The following GPC5 variants were observed in gnomAD, a reference collection of about 807,000 sequenced individuals.
GPC5 encodes glypican-5.
A neutral mutation model predicts 53.9 loss-of-function variants in GPC5; 47 were observed. That is an observed-to-expected ratio of 0.87 (90% CI 0.69 to 1.11). GPC5 has a LOEUF of 1.11. GPC5 is among the 50% of genes most tolerant of loss of function. GPC5 has a pLI of 0.00. For missense variants in GPC5, 748 were observed against 713.1 expected (o/e 1.05, Z -0.56); for synonymous variants, 286 against 263.3 (o/e 1.09, Z -0.84).
intron 7 of GPC5, among the ~76,000 whole-genome samples, chr13:92,277,988 TAAAC>T (rs1179155834): frequency 4.0e-5 from 6 of 151,856 alleles, no homozygotes; most frequent in Non-Finnish European, 8.8e-5. Flanking sequence ...AGATCCTCAA[TAAAC>T]AATAATGAAA....
At chr13:92,048,097 A>G (rs1318339716) in intron 6 of GPC5, among the ~76,000 whole-genome samples, 2 of 152,080 alleles carry the variant, frequency 1.3e-5, no homozygotes, top group African/African-American at 4.8e-5. Flanking sequence ...GATAGATAAC[A>G]TTATACTACA....
At chr13:92,517,294 T>C (rs1177816286) in intron 7 of GPC5, among the ~76,000 whole-genome samples, 1 of 152,166 alleles carries the variant, frequency 6.6e-6, no homozygotes, top group Non-Finnish European at 1.5e-5. Context: ...TCTCTGAATC[T>C]CTGCAGACTT....
intron 7 of GPC5, among the ~76,000 whole-genome samples, chr13:92,644,636 C>T (rs1885706269): frequency 6.6e-6 from 1 of 152,020 alleles, no homozygotes; most frequent in South Asian, 2.1e-4. Context: ...CTCTTCCTAT[C>T]CTTTTATGTC....
At chr13:92,196,377 A>G (rs1388172077) in intron 7 of GPC5, among the ~76,000 whole-genome samples, 7 of 152,284 alleles carry the variant, frequency 4.6e-5, no homozygotes, top group African/African-American at 1.7e-4. Context: ...TCTATGTACA[A>G]AGGCACTTAA....
intron 2 of GPC5, among the ~76,000 whole-genome samples, chr13:91,562,188 TAAAAAA>T (rs10603242): frequency 0.018 from 810 of 45,102 alleles, 14 homozygotes; most frequent in African/African-American, 0.062. Flanking sequence ...GGAGCAACAG[TAAAAAA>T]AAAAAAAAAA....
At chr13:91,438,731 G>T (rs913222505) in intron 1 of GPC5, among the ~76,000 whole-genome samples, 2 of 152,304 alleles carry the variant, frequency 1.3e-5, no homozygotes, top group African/African-American at 4.8e-5. Flanking sequence ...TCTGCGCCTT[G>T]TGTTTGGCAA....
In GPC5 at chr13:92,681,199, TA is replaced by T. The variant is rs540943719; in HGVS notation, c.1562-185075del. Among the ~76,000 whole-genome samples, 121 of 151,942 alleles carry T rather than the reference TA, an allele frequency of 8.0e-4. 1 individual carries two copies. The highest frequency in any genetic ancestry group is 2.6e-3 in the African/African-American group (108 of 41,442). On this transcript the variant is annotated intron_variant, in intron 7 of 7. Transcript: ENST00000377067. Reference sequence around the variant, plus strand: ...CTCCTCTGAATATCAATTGATAAAATAAAAAAAATTCCAAAATTAATTGTAT... The same window carrying T: ...CTCCTCTGAATATCAATTGATAAAATAAAAAAATTCCAAAATTAATTGTAT...
intron 2 of GPC5, among the ~76,000 whole-genome samples, chr13:91,605,895 T>C (rs61966894): frequency 7.9e-5 from 1 of 12,610 alleles, no homozygotes; most frequent in Non-Finnish European, 2.5e-4. Context: ...TCATGTCATC[T>C]GCAAACAGGG....
intron 2 of GPC5, among the ~76,000 whole-genome samples, chr13:91,629,843 A>C (rs114748422): frequency 2.6e-5 from 4 of 152,092 alleles, no homozygotes; most frequent in African/African-American, 4.8e-5. Flanking sequence ...GACTTTAAAC[A>C]CTGTAATATG....
chr13:92,749,776 G>T (rs1157709881), intron 7 of GPC5, among the ~76,000 whole-genome samples: 1 of 152,114 alleles, frequency 6.6e-6, no homozygotes, highest in East Asian at 1.9e-4. Flanking sequence ...ACAGTTCATA[G>T]ACCCGCTAAT....
intron 7 of GPC5, among the ~76,000 whole-genome samples, chr13:92,583,359 T>C (rs1883430981): frequency 6.6e-6 from 1 of 152,226 alleles, no homozygotes; most frequent in African/African-American, 2.4e-5. Context: ...AAAATTATCT[T>C]GCTATTTAAA....
intron 7 of GPC5, among the ~76,000 whole-genome samples, chr13:92,396,607 T>C (rs1875289357): frequency 6.6e-6 from 1 of 152,200 alleles, no homozygotes; most frequent in South Asian, 2.1e-4. Context: ...TCCATGGTAG[T>C]TTGTCGCACC....
At chr13:91,992,463 T>TC (rs1170571902) in intron 6 of GPC5, among the ~76,000 whole-genome samples, 20 of 151,130 alleles carry the variant, frequency 1.3e-4, no homozygotes, top group African/African-American at 4.6e-4. Context: ...TATTTACTTT[T>TC]TTTTTTTTTT....
intron 2 of GPC5, among the ~76,000 whole-genome samples, chr13:91,623,804 G>A (rs9515960): frequency 0.33 from 50,338 of 151,890 alleles, 10,000 homozygotes; most frequent in African/African-American, 0.55. Flanking sequence ...AGAGCAGATA[G>A]CAGATGCTCT....
At chr13:91,946,802 AGTCT>A (rs2039978600) in intron 6 of GPC5, among the ~76,000 whole-genome samples, 1 of 152,340 alleles carries the variant, frequency 6.6e-6, no homozygotes, top group East Asian at 1.9e-4. Flanking sequence ...CAATACCTTG[AGTCT>A]GTTTCATAGC....
chr13:92,542,616 ATTGTC>A (rs1210643801), intron 7 of GPC5, among the ~76,000 whole-genome samples: 1 of 151,868 alleles, frequency 6.6e-6, no homozygotes, highest in East Asian at 1.9e-4. Context: ...GATGTTAATT[ATTGTC>A]TTTTCCCTTC....
intron 2 of GPC5, among the ~76,000 whole-genome samples, chr13:91,571,884 T>C (rs558465312): frequency 5.6e-5 from 5 of 89,474 alleles, no homozygotes; most frequent in South Asian, 4.6e-4. Context: ...TACACACATA[T>C]ACGTGTGTAT....
chr13:92,430,305 T>A (rs1051745924), intron 7 of GPC5, among the ~76,000 whole-genome samples: 3 of 152,162 alleles, frequency 2.0e-5, no homozygotes, highest in Admixed American at 2.0e-4. Flanking sequence ...GGCCATAGGA[T>A]TACTATTGAT....
At chr13:92,838,488 C>CAAA (rs59632518) in intron 7 of GPC5, among the ~76,000 whole-genome samples, 1 of 137,748 alleles carries the variant, frequency 7.3e-6, no homozygotes, top group Non-Finnish European at 1.6e-5. Flanking sequence ...GCGCCCCCCC[C>CAAA]AAAAAAAAAA....
Sources: allele counts gnomAD v4.1 joint callset (sites outside exome capture counted in the v4.1 genomes callset), GRCh38; gene constraint gnomAD v4.1.1; transcripts MANE v1.5; gene names NCBI Gene and HGNC (gene_info 2026-07-23, HGNC 2026-07-21).